FANCI: variants seen among roughly 807,000 people sequenced by gnomAD.
The protein encoded by FANCI is FA complementation group I.
In FANCI, 156 loss-of-function variants were observed where a neutral mutation model predicts 176.1. That is an observed-to-expected ratio of 0.89 (90% CI 0.78 to 1.01). The LOEUF is 1.01. Among genes scored for constraint, FANCI ranks in the 50% least tolerant of loss-of-function variants. The probability of loss-of-function intolerance (pLI) is 0.00; values close to 1 mark genes in which losing one functional copy is unlikely to be tolerated. For synonymous variants in FANCI, 613 were observed against 541.7 expected, an observed-to-expected ratio of 1.13 and a Z score of -1.83; for missense variants, 1,678 against 1,534.1, an observed-to-expected ratio of 1.09 and a Z score of -1.57.
rs59945953 is a variant in FANCI at position 89,273,310 on chromosome 15, TAAAAA to T, written c.883-55_883-51del. On this transcript the variant is annotated intron_variant, in intron 10 of 37. Transcript: ENST00000310775. ...CAGAGAGACCCAATCTTTTTTTTTT[TAAAAA>T]AAAAAAAAAAAGAAAAAAGAAAATG... 6.7e-6 allele frequency: 4 copies of T among 597,624 alleles called. No homozygotes were observed. In the African/African-American group the frequency reaches 7.7e-5, roughly 12 times the overall value. 37.0% of individuals were successfully genotyped at this position (597,624 alleles called of 1,614,324 possible).
At chr15:89,250,445 C>T (rs1300677380) in intron 2 of FANCI, among the ~76,000 whole-genome samples, 1 of 150,148 alleles carries the variant, frequency 6.7e-6, no homozygotes, top group Non-Finnish European at 1.5e-5. Context: ...ATCGCAAGGA[C>T]AAAAAAACCA....
chr15:89,314,546 A>T, intron 35 of FANCI, 66 bp from the exon 36 acceptor site: 1 of 1,180,092 alleles, frequency 8.5e-7, no homozygotes, highest in Non-Finnish European at 1.3e-6. Context: ...TGTAAGTGAC[A>T]GCTTCAGAGG....
chr15:89,286,066 C>T lies in FANCI; in HGVS notation c.1821+848C>T, dbSNP rs776431465. On this transcript the variant is annotated intron_variant, in intron 18 of 37. Transcript: ENST00000310775. ...TGGCACAATCTCGGTTCACTGCAGC[C>T]TCCATCCTCCATCTCCTGGGTTCAA... Among the ~76,000 whole-genome samples, 3 of 152,100 alleles carry T rather than the reference C, an allele frequency of 2.0e-5. No individual in the cohort carries two copies. In the East Asian group the frequency reaches 5.8e-4, roughly 29 times the overall value.
chr15:89,261,336 G>A (rs1052794062), intron 4 of FANCI, among the ~76,000 whole-genome samples: 1 of 152,070 alleles, frequency 6.6e-6, no homozygotes, highest in Non-Finnish European at 1.5e-5. Context: ...TGGTACCATG[G>A]ACATATATCT....
intron 2 of FANCI, among the ~76,000 whole-genome samples, chr15:89,254,840 A>G (rs2052425297): frequency 6.6e-6 from 1 of 152,186 alleles, no homozygotes. Context: ...AAATGAATAC[A>G]TGGGTAGAAA....
At chr15:89,244,995 G>T (rs1248872486) in intron 1 of FANCI, among the ~76,000 whole-genome samples, 1 of 152,164 alleles carries the variant, frequency 6.6e-6, no homozygotes, top group Non-Finnish European at 1.5e-5. Context: ...AACAAAACCA[G>T]CTACGGCCCG....
At chr15:89,259,025 G>T (rs892697902) in intron 3 of FANCI, 6 of 461,542 alleles carry the variant, frequency 1.3e-5, no homozygotes, top group Non-Finnish European at 1.6e-5. Context: ...TGTGCTTTTC[G>T]TAAAATCTGC....
chr15:89,295,746 T>C lies in FANCI; in HGVS notation c.2636+652T>C, dbSNP rs1300756950. ...CTTCCCCTGGCGCCCCCCCCACCTT[T>C]TTTTTTTTGTTGTTGTTGTTGTTTT... On this transcript the variant is annotated intron_variant, in intron 24 of 37. Transcript: ENST00000310775. 2.3e-3 allele frequency among the ~76,000 whole-genome samples: 305 copies of C among 132,716 alleles called. 7 individuals are homozygous for C. Among genetic ancestry groups the C allele is most frequent in the East Asian group, 0.017 (70 of 4,220 alleles). 87.1% of individuals were successfully genotyped at this position (132,716 alleles called of 152,430 possible).
rs142996176 is a variant in FANCI at position 89,295,815 on chromosome 15, C to A, written c.2636+721C>A. 5.8e-3 allele frequency among the ~76,000 whole-genome samples: 847 copies of A among 146,674 alleles called. 3 individuals carry two copies. The highest frequency in any genetic ancestry group is 0.02 in the African/African-American group (796 of 39,614). ...TTTTGAGAGAGTCTCGCTCTATTGC[C>A]CAGGGTGGAATGCCGTGGTGCAATC... On this transcript the variant is annotated intron_variant, in intron 24 of 37. Transcript: ENST00000310775.
Position 89,316,629 on chromosome 15 carries a change from C to T in FANCI, c.*170C>T, listed in dbSNP as rs886051517. 128 of 1,144,802 alleles carry T rather than the reference C, an allele frequency of 1.1e-4. No homozygotes were observed. Among genetic ancestry groups the T allele is most frequent in the Non-Finnish European group, 1.6e-4 (120 of 763,040 alleles). 70.9% of individuals were successfully genotyped at this position (1,144,802 alleles called of 1,614,324 possible). A position where few individuals can be genotyped will look rare whatever the true frequency, so the allele number is the denominator to read the frequency against. On this transcript the variant is annotated 3_prime_UTR_variant, in exon 38 of 38. Coordinates refer to ENST00000310775, the MANE Select transcript of FANCI (RefSeq NM_001113378.2). The stretch of plus-strand genomic sequence containing the variant: ...GGAATCTTCTTGGCAGGTCCTGCTA[C>T]TGAAAAATGGCTGGCCTTAGGCAAG...
intron 9 of FANCI, among the ~76,000 whole-genome samples, 197 bp downstream of exon 9, chr15:89,264,804 A>T (rs558107360): frequency 2.2e-4 from 34 of 152,336 alleles, no homozygotes; most frequent in African/African-American, 7.5e-4. Context: ...CTTTCCAGGA[A>T]AATAATTGTC....
intron 27 of FANCI, 39 bp from the exon 28 acceptor site, chr15:89,303,825 T>C (rs774901217): frequency 1.3e-6 from 2 of 1,580,454 alleles, no homozygotes; most frequent in Middle Eastern, 1.7e-4. Flanking sequence ...GGTCTATCTC[T>C]GGCATGTTTC....
intron 20 of FANCI, 51 bp downstream of exon 20, chr15:89,291,765 G>A: frequency 6.9e-6 from 10 of 1,446,374 alleles, no homozygotes; most frequent in Non-Finnish European, 9.7e-6. Flanking sequence ...TAAGGATAGG[G>A]TTGAACTTTG....
At chr15:89,295,511 C>A (rs1399451859) in intron 24 of FANCI, among the ~76,000 whole-genome samples, 1 of 151,954 alleles carries the variant, frequency 6.6e-6, no homozygotes, top group Non-Finnish European at 1.5e-5. Flanking sequence ...ACTAAAAATA[C>A]AAAAATTAGC....
chr15:89,317,150 G>C (rs1860022), downstream of FANCI: 8,673 of 604,160 alleles, frequency 0.014, 478 homozygotes, highest in African/African-American at 0.14. Context: ...GGTTGAAGTA[G>C]GGGACAGGTA....
intron 9 of FANCI, among the ~76,000 whole-genome samples, chr15:89,267,386 G>A (rs2053013678): frequency 6.6e-6 from 1 of 150,494 alleles, no homozygotes; most frequent in African/African-American, 2.5e-5. Context: ...GAAGCTAAGA[G>A]AAGAAAATTT....
chr15:89,295,511 C>G (rs1399451859), intron 24 of FANCI, among the ~76,000 whole-genome samples: 1 of 151,954 alleles, frequency 6.6e-6, no homozygotes, highest in East Asian at 1.9e-4. Flanking sequence ...ACTAAAAATA[C>G]AAAAATTAGC....
At chr15:89,307,789 A>G (rs2054784813) in intron 34 of FANCI, 117 bp downstream of exon 34, 4 of 1,571,124 alleles carry the variant, frequency 2.5e-6, no homozygotes, top group Non-Finnish European at 3.5e-6. Context: ...GCTTACCACA[A>G]GCTGGAGGCA....
At position 89,305,111 on chromosome 15, in the gene FANCI, C is replaced by T. The variant is rs747570773; in HGVS notation, c.3059-4C>T. 3.6e-5 allele frequency: 58 copies of T among 1,613,936 alleles called. No homozygotes were observed. The highest frequency in any genetic ancestry group is 4.7e-5 in the Non-Finnish European group (56 of 1,180,012). On this transcript the variant is annotated splice_region_variant and splice_polypyrimidine_tract_variant and intron_variant, in intron 28 of 37. Transcript: ENST00000310775. Reference sequence around the variant, plus strand: ...TTTTAATTTGCTTTTCTTCCTATTCCTAGAGGATGCCTTGTTTTGCAAGAG... The same window carrying T: ...TTTTAATTTGCTTTTCTTCCTATTCTTAGAGGATGCCTTGTTTTGCAAGAG...
Sources: allele counts gnomAD v4.1 joint callset (sites outside exome capture counted in the v4.1 genomes callset), GRCh38; gene constraint gnomAD v4.1.1; transcripts MANE v1.5; gene names NCBI Gene and HGNC (gene_info 2026-07-23, HGNC 2026-07-21).